SIPA1L1: variants seen among roughly 807,000 people sequenced by gnomAD.
The protein encoded by SIPA1L1 is signal-induced proliferation-associated 1-like protein 1.
SIPA1L1 carries 26 observed loss-of-function variants against 162.7 expected under a neutral mutation model. The ratio of observed to expected loss-of-function variants is 0.16; its 90% CI spans 0.12 to 0.22. SIPA1L1 has a LOEUF of 0.22. Ranked by LOEUF, SIPA1L1 falls within the 10% of genes least tolerant of loss-of-function variation. The pLI, the probability that SIPA1L1 is intolerant of heterozygous loss-of-function variation, is 1.00. For missense variants in SIPA1L1, 1,874 were observed against 2,241.0 expected (o/e 0.84, Z 3.31); for synonymous variants, 829 against 837.4 (o/e 0.99, Z 0.17).
At chr14:71,704,263 A>T (rs997426553) in intron 15 of SIPA1L1, among the ~76,000 whole-genome samples, 11 of 152,214 alleles carry the variant, frequency 7.2e-5, no homozygotes, top group Admixed American at 1.3e-4. Context: ...TTGCATTTTT[A>T]TTACTCAGTA....
At chr14:71,329,533 C>T (rs1013276781) in intron 2 of SIPA1L1, among the ~76,000 whole-genome samples, 2 of 151,814 alleles carry the variant, frequency 1.3e-5, no homozygotes, top group South Asian at 2.1e-4. Context: ...GTCCACCTCC[C>T]GGGCTCAAGC....
At position 71,466,771 on chromosome 14, in the gene SIPA1L1, T is replaced by C. The variant is rs948886535; in HGVS notation, c.-464-45972T>C. ...TATTTCTGACTAAAATGGATGTTCA[T>C]GGTCTCAAGCACATTGACCAGTTAT... On this transcript the variant is annotated intron_variant, in intron 2 of 23. Coordinates refer to ENST00000381232, the MANE Select transcript of SIPA1L1 (RefSeq NM_001386936.1). 1.9e-3 allele frequency among the ~76,000 whole-genome samples: 288 copies of C among 152,352 alleles called. 1 individual carries two copies. The highest frequency in any genetic ancestry group is 6.5e-3 in the African/African-American group (272 of 41,578).
At chr14:71,510,630 T>C (rs1490368334) in intron 2 of SIPA1L1, among the ~76,000 whole-genome samples, 9 of 152,208 alleles carry the variant, frequency 5.9e-5, no homozygotes, top group Admixed American at 5.9e-4. Flanking sequence ...GGGGTGCATA[T>C]AGCTCAGTAA....
intron 7 of SIPA1L1, among the ~76,000 whole-genome samples, chr14:71,640,339 G>A (rs1454778432): frequency 6.6e-6 from 1 of 152,174 alleles, no homozygotes; most frequent in African/African-American, 2.4e-5. Context: ...ATTCTTAGAT[G>A]TGGCACCAAG....
chr14:71,406,417 T>G (rs992517372), intron 2 of SIPA1L1, among the ~76,000 whole-genome samples: 1 of 152,186 alleles, frequency 6.6e-6, no homozygotes, highest in Non-Finnish European at 1.5e-5. Context: ...ACAGGAAGAA[T>G]AAGAATAATT....
At chr14:71,508,405 T>A (rs1480353029) in intron 2 of SIPA1L1, among the ~76,000 whole-genome samples, 1 of 152,172 alleles carries the variant, frequency 6.6e-6, no homozygotes, top group Non-Finnish European at 1.5e-5. Flanking sequence ...TCTTAACACC[T>A]CCTCACCTCA....
chr14:71,730,389 G>A, intron 20 of SIPA1L1, 88 bp downstream of exon 20: 1 of 1,470,892 alleles, frequency 6.8e-7, no homozygotes, highest in Non-Finnish European at 9.4e-7. Context: ...TGCTCAGAGA[G>A]GGGTCCTGTA....
At chr14:71,360,188 A>G (rs904330956) in intron 2 of SIPA1L1, among the ~76,000 whole-genome samples, 3 of 152,256 alleles carry the variant, frequency 2.0e-5, no homozygotes, top group Admixed American at 6.5e-5. Flanking sequence ...ATAATGTTCT[A>G]AAGGTTTCAG....
At chr14:71,553,162 T>C (rs1369608240) in intron 4 of SIPA1L1, among the ~76,000 whole-genome samples, 1 of 152,246 alleles carries the variant, frequency 6.6e-6, no homozygotes, top group Non-Finnish European at 1.5e-5. Context: ...AAAAATCAGA[T>C]AGAAATCTGG....
chr14:71,592,842 A>G (rs1187108166), intron 5 of SIPA1L1, among the ~76,000 whole-genome samples: 6 of 152,332 alleles, frequency 3.9e-5, no homozygotes, highest in South Asian at 2.1e-4. Context: ...CAGTAGAGGA[A>G]TCCCATTGTT....
chr14:71,591,239 C>G lies in SIPA1L1; in HGVS notation c.1498+1869C>G, dbSNP rs561858684. 2.0e-5 allele frequency among the ~76,000 whole-genome samples: 3 copies of G among 152,262 alleles called. No homozygotes were observed. In the South Asian group the frequency reaches 6.2e-4, roughly 32 times the overall value. ...AGGCATTTGCTATGCCACATTTTCT[C>G]ATTTCAATCTCTTGATGCCCAGGAA... On this transcript the variant is annotated intron_variant, in intron 5 of 23. Transcript: ENST00000381232.
At chr14:71,408,721 A>C in intron 2 of SIPA1L1, among the ~76,000 whole-genome samples, 1 of 152,182 alleles carries the variant, frequency 6.6e-6, no homozygotes, top group Non-Finnish European at 1.5e-5. Flanking sequence ...TTAGAAGTAC[A>C]GTAGGAATCT....
At chr14:71,339,236 G>A (rs369903898) in intron 2 of SIPA1L1, among the ~76,000 whole-genome samples, 1 of 152,118 alleles carries the variant, frequency 6.6e-6, no homozygotes, top group African/African-American at 2.4e-5. Flanking sequence ...TTGCCCCAGA[G>A]GAATGGGCAC....
chr14:71,385,576 G>C (rs748929614), intron 2 of SIPA1L1, among the ~76,000 whole-genome samples: 2 of 151,364 alleles, frequency 1.3e-5, no homozygotes, highest in South Asian at 4.2e-4. Context: ...AAAGAAAAGT[G>C]AATTTAATTT....
chr14:71,437,930 C>T (rs771704823), intron 2 of SIPA1L1, among the ~76,000 whole-genome samples: 60 of 151,992 alleles, frequency 3.9e-4, no homozygotes, highest in Non-Finnish European at 7.6e-4. Context: ...AGGCATGTAC[C>T]GTAACTCTTT....
At chr14:71,397,533 G>T (rs1329085307) in intron 2 of SIPA1L1, among the ~76,000 whole-genome samples, 1 of 152,082 alleles carries the variant, frequency 6.6e-6, no homozygotes, top group African/African-American at 2.4e-5. Flanking sequence ...GTGTGTGTGT[G>T]CACACATACA....
At chr14:71,524,624 T>G (rs568045899) in intron 3 of SIPA1L1, among the ~76,000 whole-genome samples, 1 of 152,314 alleles carries the variant, frequency 6.6e-6, no homozygotes, top group Admixed American at 6.5e-5. Context: ...ATTTGTTTAT[T>G]TTTAAATAGA....
intron 4 of SIPA1L1, among the ~76,000 whole-genome samples, chr14:71,531,262 A>G (rs1332580972): frequency 6.7e-6 from 1 of 150,164 alleles, no homozygotes; most frequent in African/African-American, 2.4e-5. Flanking sequence ...ATTTTTCTGC[A>G]TTGTGAGAAT....
At chr14:71,484,980 G>C (rs2048635965) in intron 2 of SIPA1L1, among the ~76,000 whole-genome samples, 2 of 152,172 alleles carry the variant, frequency 1.3e-5, no homozygotes, top group African/African-American at 4.8e-5. Flanking sequence ...ACAAAGACAG[G>C]AGTACCCCTC....
Sources: allele counts gnomAD v4.1 joint callset (sites outside exome capture counted in the v4.1 genomes callset), GRCh38; gene constraint gnomAD v4.1.1; transcripts MANE v1.5; gene names NCBI Gene and HGNC (gene_info 2026-07-23, HGNC 2026-07-21).